Variants in NR2C1 observed in about 807,000 individuals in gnomAD.
NR2C1 encodes nuclear receptor subfamily 2 group C member 1.
A neutral mutation model predicts 74.8 loss-of-function variants in NR2C1; 33 were observed. That is an observed-to-expected ratio of 0.44 (90% CI 0.33 to 0.59). The LOEUF (loss-of-function observed/expected upper bound fraction) is 0.59. Ranked by LOEUF, NR2C1 falls within the 20% of genes least tolerant of loss-of-function variation. NR2C1 has a pLI of 0.02. For synonymous variants in NR2C1, 225 were observed against 240.6 expected (o/e 0.94, Z 0.60); for missense variants, 568 against 715.6 (o/e 0.79, Z 2.35).
chr12:95,051,977 TG>T, intron 7 of NR2C1, 34 bp from the exon 8 acceptor site: 1 of 1,404,984 alleles, frequency 7.1e-7, no homozygotes, highest in South Asian at 1.4e-5. Flanking sequence ...TTCTGTGAAT[TG>T]GTATCACTAT....
intron 1 of NR2C1, among the ~76,000 whole-genome samples, chr12:95,068,390 T>TTTG (rs1876052194): frequency 6.6e-6 from 1 of 152,198 alleles, no homozygotes; most frequent in South Asian, 2.1e-4. Context: ...ATTCATATGA[T>TTTG]TTTGTGGGAG....
intron 12 of NR2C1, among the ~76,000 whole-genome samples, chr12:95,025,599 T>C (rs1050281122): frequency 6.2e-5 from 9 of 144,008 alleles, no homozygotes; most frequent in Middle Eastern, 3.7e-3. Flanking sequence ...CAGAGGTTGC[T>C]GTGAGCCGAG....
intron 3 of NR2C1, among the ~76,000 whole-genome samples, chr12:95,060,752 GAACA>G (rs1874673603): frequency 6.6e-6 from 1 of 152,128 alleles, no homozygotes; most frequent in African/African-American, 2.4e-5. Flanking sequence ...CTTGAAATGT[GAACA>G]AATAAATTCA....
At chr12:95,023,446 G>GT (rs1868994209) in intron 13 of NR2C1, among the ~76,000 whole-genome samples, 1 of 152,200 alleles carries the variant, frequency 6.6e-6, no homozygotes, top group African/African-American at 2.4e-5. Context: ...AATGTTTTGT[G>GT]TTATCAGGAC....
At chr12:95,031,062 A>G (rs181394555) in intron 11 of NR2C1, among the ~76,000 whole-genome samples, 1 of 152,232 alleles carries the variant, frequency 6.6e-6, no homozygotes, top group African/African-American at 2.4e-5. Flanking sequence ...CCTCTACATA[A>G]GCTCACCCTG....
intron 9 of NR2C1, among the ~76,000 whole-genome samples, chr12:95,048,626 T>C (rs1429255636): frequency 2.0e-5 from 3 of 151,038 alleles, no homozygotes; most frequent in Non-Finnish European, 3.0e-5. Context: ...AGATGAGTTT[T>C]TTTTTTTTTT....
intron 10 of NR2C1, among the ~76,000 whole-genome samples, chr12:95,037,311 T>C (rs1383065715): frequency 6.6e-6 from 1 of 152,202 alleles, no homozygotes; most frequent in Non-Finnish European, 1.5e-5. Context: ...CTCTAAGTAC[T>C]GAAACTACAA....
chr12:95,062,823 T>C, intron 2 of NR2C1, 85 bp from the exon 3 acceptor site: 1 of 984,706 alleles, frequency 1.0e-6, no homozygotes, highest in South Asian at 1.4e-5. Context: ...GCACATTACA[T>C]ATATATTCAA....
At chr12:95,058,255 T>C in intron 5 of NR2C1, 55 bp downstream of exon 5, 2 of 1,476,320 alleles carry the variant, frequency 1.4e-6, no homozygotes, top group South Asian at 2.5e-5. Context: ...TTCAATACTC[T>C]TGTAGTTTGC....
chr12:95,047,979 T>C (rs2136146062), intron 9 of NR2C1, among the ~76,000 whole-genome samples: 1 of 152,360 alleles, frequency 6.6e-6, no homozygotes, highest in East Asian at 1.9e-4. Flanking sequence ...CAATTATTTA[T>C]GGGAACAAAA....
chr12:95,069,265 CTATT>C (rs1379715635), intron 1 of NR2C1, among the ~76,000 whole-genome samples: 1 of 152,142 alleles, frequency 6.6e-6, no homozygotes, highest in South Asian at 2.1e-4. Flanking sequence ...GGGAGATAAA[CTATT>C]TGTTTATCTG....
At chr12:95,039,955 A>C (rs1423354722) in intron 10 of NR2C1, among the ~76,000 whole-genome samples, 1 of 151,974 alleles carries the variant, frequency 6.6e-6, no homozygotes, top group Non-Finnish European at 1.5e-5. Context: ...TGTACTCTTG[A>C]GTGGTAAGAC....
intron 2 of NR2C1, among the ~76,000 whole-genome samples, chr12:95,065,625 T>C (rs1191403348): frequency 6.6e-6 from 1 of 152,054 alleles, no homozygotes; most frequent in Non-Finnish European, 1.5e-5. Flanking sequence ...AACAATCCAA[T>C]TATACTCTTT....
chr12:95,039,890 C>T (rs1871295582), intron 10 of NR2C1, among the ~76,000 whole-genome samples: 1 of 152,194 alleles, frequency 6.6e-6, no homozygotes, highest in South Asian at 2.1e-4. Context: ...TCCTCCTGCC[C>T]TGACCTCCCA....
chr12:95,031,003 A>T, intron 11 of NR2C1: 1 of 776,300 alleles, frequency 1.3e-6, no homozygotes, highest in Non-Finnish European at 2.1e-6. Flanking sequence ...TAATAAAGAA[A>T]GGTCATTTAA....
At chr12:95,067,479 A>T in intron 1 of NR2C1, 88 bp from the exon 2 acceptor site, 1 of 1,072,666 alleles carries the variant, frequency 9.3e-7, no homozygotes, top group East Asian at 2.6e-5. Flanking sequence ...GATATTTAAG[A>T]TTTGCTTCAA....
intron 13 of NR2C1, among the ~76,000 whole-genome samples, chr12:95,022,711 T>TC (rs1868900225): frequency 6.6e-6 from 1 of 151,710 alleles, no homozygotes; most frequent in Non-Finnish European, 1.5e-5. Context: ...TTTTTTTTTT[T>TC]TTTTTGAGAG....
chr12:95,063,327 GGAGGGAGGT>G (rs1270159263), intron 2 of NR2C1, among the ~76,000 whole-genome samples: 1 of 152,170 alleles, frequency 6.6e-6, no homozygotes, highest in Admixed American at 6.5e-5. Flanking sequence ...TCCCAGGGCA[GGAGGGAGGT>G]GTTTGACACA....
chr12:95,030,050 A>G (rs1271132429), intron 11 of NR2C1, among the ~76,000 whole-genome samples: 1 of 152,000 alleles, frequency 6.6e-6, no homozygotes, highest in African/African-American at 2.4e-5. Context: ...ATTTTTAAAA[A>G]ATTTCTGTAG....
Sources: allele counts gnomAD v4.1 joint callset (sites outside exome capture counted in the v4.1 genomes callset), GRCh38; gene constraint gnomAD v4.1.1; transcripts MANE v1.5; gene names NCBI Gene and HGNC (gene_info 2026-07-23, HGNC 2026-07-21).